Variants in EVC2 observed in about 807,000 individuals in gnomAD.
The protein encoded by EVC2 is EvC ciliary complex subunit 2, also known as limbin.
Under a neutral mutation model 149.3 loss-of-function variants are expected in EVC2, and 148 were observed. The ratio of observed to expected loss-of-function variants is 0.99; its 90% CI spans 0.87 to 1.14. The LOEUF (loss-of-function observed/expected upper bound fraction) is 1.14, where lower values mean the gene tolerates loss of function less well. EVC2 is among the 50% of genes most tolerant of loss of function. The probability of loss-of-function intolerance (pLI) is 0.00; values close to 1 mark genes in which losing one functional copy is unlikely to be tolerated. For synonymous variants in EVC2, 776 were observed against 649.9 expected (o/e 1.19, Z -2.95); for missense variants, 1,854 against 1,627.3 (o/e 1.14, Z -2.40).
chr4:5,704,066 C>T (rs1416665333), intron 1 of EVC2, among the ~76,000 whole-genome samples: 1 of 151,874 alleles, frequency 6.6e-6, no homozygotes. Flanking sequence ...GCTCTGGGGA[C>T]AATGGGAAGC....
chr4:5,574,255 G>A (rs184375038), intron 19 of EVC2, among the ~76,000 whole-genome samples: 68 of 152,336 alleles, frequency 4.5e-4, no homozygotes, highest in African/African-American at 1.5e-3. Flanking sequence ...AGGTGAGTCT[G>A]CAACTCTGGC....
At chr4:5,584,568 A>C in intron 17 of EVC2, 55 bp downstream of exon 17, 3 of 1,515,776 alleles carry the variant, frequency 2.0e-6, no homozygotes, top group Non-Finnish European at 2.7e-6. Flanking sequence ...ATGCAGAGGT[A>C]GGTACCAGAA....
At position 5,563,124 on chromosome 4, in the gene EVC2, A is replaced by G; in HGVS notation, c.3660-9T>C. 1.2e-6 allele frequency: 2 copies of G among 1,609,454 alleles called. No individual in the cohort carries two copies. Among genetic ancestry groups the G allele is most frequent in the Non-Finnish European group, 1.7e-6 (2 of 1,177,640 alleles). Reference sequence around the variant, plus strand: ...ATGTCTTCTTTAATATGCTAAAGAAATAGCAAAAGATCAAATTCAATATTT... The same window carrying G: ...ATGTCTTCTTTAATATGCTAAAGAAGTAGCAAAAGATCAAATTCAATATTT... On this transcript the variant is annotated splice_polypyrimidine_tract_variant and intron_variant, in intron 21 of 21. Coordinates refer to ENST00000344408, the MANE Select transcript of EVC2 (RefSeq NM_147127.5).
chr4:5,628,037 T>C (rs1716244505), intron 12 of EVC2, among the ~76,000 whole-genome samples: 1 of 152,214 alleles, frequency 6.6e-6, no homozygotes, highest in Non-Finnish European at 1.5e-5. Flanking sequence ...GACTATTGCA[T>C]ATGCTTTTAA....
chr4:5,653,021 C>G (rs989245987), intron 9 of EVC2, among the ~76,000 whole-genome samples: 1 of 152,194 alleles, frequency 6.6e-6, no homozygotes, highest in Non-Finnish European at 1.5e-5. Context: ...AGGATCCGTT[C>G]CATGCCAGCT....
chr4:5,709,174 AG>A (rs1008224475), upstream of EVC2: 9 of 152,478 alleles, frequency 5.9e-5, no homozygotes, highest in South Asian at 2.1e-4. Context: ...ACCTAGAAAG[AG>A]GGGAGCTGGT....
At chr4:5,578,016 G>A (rs1305616725) in intron 17 of EVC2, among the ~76,000 whole-genome samples, 1 of 145,440 alleles carries the variant, frequency 6.9e-6, no homozygotes, top group Non-Finnish European at 1.5e-5. Flanking sequence ...CAAGCACCAG[G>A]AGAGCCCTGG....
intron 21 of EVC2, among the ~76,000 whole-genome samples, chr4:5,545,030 C>T (rs1721587930): frequency 6.6e-6 from 1 of 152,164 alleles, no homozygotes; most frequent in Admixed American, 6.5e-5. Context: ...GCTGCTCGGC[C>T]CTCCAGGCTC....
chr4:5,552,787 G>A lies in EVC2; in HGVS notation c.3420-9575C>T, dbSNP rs539100980. On this transcript the variant is annotated intron_variant and NMD_transcript_variant, in intron 21 of 22. Coordinates refer to the EVC2 transcript ENST00000475313. Reference sequence around the variant, plus strand: ...GAACTGAGACAACTAGAATTTATGAGACAGAATACTGAAGAGGAAGCCGAG... The same window carrying A: ...GAACTGAGACAACTAGAATTTATGAAACAGAATACTGAAGAGGAAGCCGAG... Among the ~76,000 whole-genome samples, 70 of 152,330 alleles carry A rather than the reference G, an allele frequency of 4.6e-4. 1 individual carries two copies. The highest frequency in any genetic ancestry group is 1.7e-3 in the African/African-American group (69 of 41,566).
rs182321411 is a variant in EVC2, at chr4:5,618,541, C to A, written c.2643G>T (p.Gln881His). The A allele has an allele frequency of 6.2e-7, 1 of 1,614,156 alleles. No individual in the cohort carries two copies. The highest frequency in any genetic ancestry group is 8.5e-7 in the Non-Finnish European group (1 of 1,180,036). The change falls in exon 15 of 22, where the codon CAG becomes CAT. Residue 881 changes from glutamine to histidine, a missense_variant. Physicochemically the swap from Gln to His is conservative, Grantham distance 24. Transcript: ENST00000344408. The surrounding 1 kb of genome is among the most constrained non-coding windows in gnomAD (Gnocchi z 4.4). ...IRARVLLQQF[Q>H]TAWREAEFVK... ...CGAACTCTGCTTCTCGCCACGCAGT[C>A]TGAAATTGCTGCAGCAGAACTCGGG...
At chr4:5,560,020 G>A (rs1052579328), downstream of EVC2, among the ~76,000 whole-genome samples, 9 of 151,948 alleles carry the variant, frequency 5.9e-5, no homozygotes, top group African/African-American at 1.2e-4. This position sits in a 1 kb window ranked among gnomAD's most constrained non-coding sequence, Gnocchi z 4.1. Flanking sequence ...AAATTCCCAC[G>A]GCAGGATTTT....
chr4:5,619,306 G>A (rs1252645975), intron 14 of EVC2, among the ~76,000 whole-genome samples: 2 of 152,182 alleles, frequency 1.3e-5, no homozygotes, highest in Non-Finnish European at 2.9e-5. Context: ...ATTAAGAAGT[G>A]AGCTAAGATG....
chr4:5,548,072 C>A (rs539623758), intron 21 of EVC2, among the ~76,000 whole-genome samples: 60 of 152,206 alleles, frequency 3.9e-4, no homozygotes, highest in African/African-American at 1.3e-3. Context: ...AGCTGGTGTG[C>A]CTGACTGTGC....
At chr4:5,617,478 T>C (rs1057085929) in intron 15 of EVC2, among the ~76,000 whole-genome samples, 10 of 152,228 alleles carry the variant, frequency 6.6e-5, no homozygotes, top group Non-Finnish European at 1.3e-4. Flanking sequence ...CAACAAAATT[T>C]ACTGTGCACC....
intron 5 of EVC2, among the ~76,000 whole-genome samples, chr4:5,688,765 C>T (rs1193588282): frequency 6.6e-6 from 1 of 152,156 alleles, no homozygotes. Flanking sequence ...CGGCACAACC[C>T]AAAACAAACT....
intron 19 of EVC2, among the ~76,000 whole-genome samples, chr4:5,570,313 C>T (rs1430389197): frequency 6.6e-6 from 1 of 152,204 alleles, no homozygotes; most frequent in Non-Finnish European, 1.5e-5. Context: ...ACCTTTATAG[C>T]TGGGATCCCA....
chr4:5,560,636 C>G (rs1379641599), downstream of EVC2, among the ~76,000 whole-genome samples: 1 of 152,066 alleles, frequency 6.6e-6, no homozygotes, highest in Non-Finnish European at 1.5e-5. This position sits in a 1 kb window ranked among gnomAD's most constrained non-coding sequence, Gnocchi z 4.1. Context: ...GGTGGGGACA[C>G]AGAGCCAAAC....
At chr4:5,664,934 C>T (rs572153646) in intron 8 of EVC2, among the ~76,000 whole-genome samples, 60 of 149,794 alleles carry the variant, frequency 4.0e-4, no homozygotes, top group African/African-American at 1.3e-3. Context: ...TGACGGGCTG[C>T]GTGTGGGTGA....
rs925921090 is a variant in EVC2 at position 5,696,633 on chromosome 4, A to G, written c.283+960T>C. Among the ~76,000 whole-genome samples, 11 of 152,218 alleles carry G rather than the reference A, an allele frequency of 7.2e-5. No individual in the cohort carries two copies. Among genetic ancestry groups the G allele is most frequent in the African/African-American group, 2.7e-4 (11 of 41,458 alleles). ...GAAAGGATGTAACTGCCTGTGAAAG[A>G]TGCTCACCAGAGGAAAGCAGGGCGG... On this transcript the variant is annotated intron_variant, in intron 2 of 21. Transcript: ENST00000344408. This position sits in a 1 kb window ranked among gnomAD's most constrained non-coding sequence, Gnocchi z 4.1.
Sources: allele counts gnomAD v4.1 joint callset (sites outside exome capture counted in the v4.1 genomes callset), GRCh38; gene constraint gnomAD v4.1.1; non-coding constraint Gnocchi (gnomAD v3.1); transcripts MANE v1.5; gene names NCBI Gene and HGNC (gene_info 2026-07-23, HGNC 2026-07-21).